Variants in NKAIN2 observed in about 807,000 individuals in gnomAD.
NKAIN2 encodes sodium/potassium transporting ATPase interacting 2.
Under a neutral mutation model 32.6 loss-of-function variants are expected in NKAIN2, and 14 were observed. The observed-to-expected ratio is 0.43, with a 90% CI of 0.28 to 0.67. NKAIN2 has a LOEUF of 0.67. NKAIN2 is among the 30% of genes least tolerant of loss of function. The probability of loss-of-function intolerance (pLI) is 0.17; values close to 1 mark genes in which losing one functional copy is unlikely to be tolerated. For synonymous variants in NKAIN2, 80 were observed against 87.2 expected (o/e 0.92, Z 0.46); for missense variants, 198 against 258.3 (o/e 0.77, Z 1.60).
intron 1 of NKAIN2, among the ~76,000 whole-genome samples, chr6:123,849,504 C>G (rs6909573): frequency 0.95 from 144,098 of 152,236 alleles, 68,620 homozygotes; most frequent in East Asian, 1. Flanking sequence ...GGGATAGAGT[C>G]TTTGTACGTC....
intron 1 of NKAIN2, among the ~76,000 whole-genome samples, chr6:124,239,406 C>G (rs1385107153): frequency 1.3e-5 from 2 of 152,148 alleles, no homozygotes; most frequent in Non-Finnish European, 2.9e-5. Context: ...TAATAGACAT[C>G]TATAGAACTC....
chr6:124,791,814 A>T (rs542576176), intron 5 of NKAIN2, among the ~76,000 whole-genome samples: 4 of 152,276 alleles, frequency 2.6e-5, no homozygotes, highest in Admixed American at 1.3e-4. Flanking sequence ...AATTTGTAAT[A>T]GTTGCTAAGA....
intron 3 of NKAIN2, among the ~76,000 whole-genome samples, chr6:124,636,291 T>C (rs1398258106): frequency 6.6e-6 from 1 of 151,464 alleles, no homozygotes; most frequent in Non-Finnish European, 1.5e-5. Flanking sequence ...CAATACTAAG[T>C]AGAAAGTTTA....
At chr6:124,551,328 G>A (rs1780279239) in intron 3 of NKAIN2, among the ~76,000 whole-genome samples, 1 of 152,174 alleles carries the variant, frequency 6.6e-6, no homozygotes, top group South Asian at 2.1e-4. Flanking sequence ...AACTGCAGCT[G>A]AGAAATGTAG....
chr6:124,526,398 G>C (rs1485881112), intron 3 of NKAIN2, among the ~76,000 whole-genome samples: 1 of 151,998 alleles, frequency 6.6e-6, no homozygotes, highest in East Asian at 1.9e-4. Flanking sequence ...AAATGTACTG[G>C]GTAAATTGAA....
chr6:124,729,380 C>T (rs967335895), intron 4 of NKAIN2, among the ~76,000 whole-genome samples: 3 of 151,312 alleles, frequency 2.0e-5, no homozygotes, highest in African/African-American at 7.3e-5. Flanking sequence ...GGGCTTCATC[C>T]CTGGGATGCA....
At chr6:124,284,062 G>GTA (rs752412151) in intron 2 of NKAIN2, among the ~76,000 whole-genome samples, 296 of 39,360 alleles carry the variant, frequency 7.5e-3, no homozygotes, top group Middle Eastern at 0.013. Context: ...AAGCTCATTG[G>GTA]TACAGCCAGG....
intron 3 of NKAIN2, among the ~76,000 whole-genome samples, chr6:124,370,149 A>G (rs1036659752): frequency 6.6e-6 from 1 of 151,162 alleles, no homozygotes; most frequent in Non-Finnish European, 1.5e-5. Flanking sequence ...TCAGTACGCT[A>G]CAGGTAACCA....
intron 5 of NKAIN2, among the ~76,000 whole-genome samples, chr6:124,807,207 C>T (rs1383514385): frequency 2.6e-5 from 4 of 152,188 alleles, no homozygotes; most frequent in African/African-American, 9.7e-5. Flanking sequence ...CACTACACCA[C>T]ACCTATTCCA....
In NKAIN2 at chr6:124,206,258, T is replaced by G. The variant is rs910523283; in HGVS notation, c.55-76747T>G. On this transcript the variant is annotated intron_variant, in intron 1 of 6. Transcript: ENST00000368417. ...GTTTCTTGGTATTTTTTTCTTTTTC[T>G]TTTTTAGCAATCACTGAATTTTGTC... 4.6e-5 allele frequency among the ~76,000 whole-genome samples: 7 copies of G among 151,894 alleles called. No individual in the cohort carries two copies. The East Asian group carries it at 1.2e-3, about 25-fold the overall frequency.
chr6:123,877,376 A>G lies in NKAIN2; in HGVS notation c.54+73122A>G, dbSNP rs915555218. 4.6e-5 allele frequency among the ~76,000 whole-genome samples: 7 copies of G among 152,310 alleles called. No homozygotes were observed. In the South Asian group the frequency reaches 8.3e-4, roughly 18 times the overall value. On this transcript the variant is annotated intron_variant, in intron 1 of 6. Transcript: ENST00000368417. ...TTATTGGGGTATTCCTTACCAGATC[A>G]TAATAGCTGAAGCTTTTAATGTATT...
intron 1 of NKAIN2, among the ~76,000 whole-genome samples, chr6:124,062,518 T>C (rs1782962815): frequency 6.6e-6 from 1 of 152,184 alleles, no homozygotes; most frequent in African/African-American, 2.4e-5. Context: ...AGCCTTGACC[T>C]CCCAGGCTCA....
chr6:124,362,043 C>T, intron 3 of NKAIN2, among the ~76,000 whole-genome samples: 1 of 151,916 alleles, frequency 6.6e-6, no homozygotes, highest in East Asian at 1.9e-4. Flanking sequence ...ATAACTCTTC[C>T]TCTTTAGTCT....
intron 1 of NKAIN2, among the ~76,000 whole-genome samples, chr6:124,064,483 G>GT (rs911769808): frequency 2.8e-4 from 42 of 147,982 alleles, no homozygotes; most frequent in African/African-American, 4.0e-4. Context: ...CATTCTGTGG[G>GT]TTTTTTTTTT....
intron 1 of NKAIN2, among the ~76,000 whole-genome samples, chr6:123,950,313 C>T (rs1256001533): frequency 6.6e-6 from 1 of 151,818 alleles, no homozygotes; most frequent in Non-Finnish European, 1.5e-5. Context: ...AAACTGGCCT[C>T]TTCAAATGAC....
intron 3 of NKAIN2, among the ~76,000 whole-genome samples, chr6:124,627,502 A>G (rs555346344): frequency 1.3e-5 from 2 of 152,286 alleles, no homozygotes; most frequent in Admixed American, 1.3e-4. Context: ...TTGGTTGTTC[A>G]GCTTCAGTGT....
chr6:124,023,846 TA>T (rs1305242733), intron 1 of NKAIN2, among the ~76,000 whole-genome samples: 47 of 152,246 alleles, frequency 3.1e-4, no homozygotes, highest in Non-Finnish European at 6.5e-4. Flanking sequence ...GGATAGACAT[TA>T]CTAAGAAAAT....
chr6:124,556,555 A>G (rs929640991), intron 3 of NKAIN2, among the ~76,000 whole-genome samples: 1 of 152,114 alleles, frequency 6.6e-6, no homozygotes, highest in Non-Finnish European at 1.5e-5. Flanking sequence ...CCACCATTGG[A>G]TGATGCTCAC....
At chr6:123,989,803 A>G (rs1779336568) in intron 1 of NKAIN2, among the ~76,000 whole-genome samples, 1 of 152,198 alleles carries the variant, frequency 6.6e-6, no homozygotes, top group South Asian at 2.1e-4. Context: ...CATAAAATTT[A>G]TTATGTAGGA....
Sources: allele counts gnomAD v4.1 joint callset (sites outside exome capture counted in the v4.1 genomes callset), GRCh38; gene constraint gnomAD v4.1.1; transcripts MANE v1.5; gene names NCBI Gene and HGNC (gene_info 2026-07-23, HGNC 2026-07-21).